Variants in PPP2R2A observed in about 807,000 individuals in gnomAD.
The protein encoded by PPP2R2A is protein phosphatase 2 regulatory subunit Balpha, also known as serine/threonine-protein phosphatase 2A 55 kDa regulatory subunit B alpha isoform.
A neutral mutation model predicts 53.2 loss-of-function variants in PPP2R2A; 9 were observed. The ratio of observed to expected loss-of-function variants is 0.17; its 90% CI spans 0.10 to 0.30. PPP2R2A has a LOEUF of 0.30. Among genes scored for constraint, PPP2R2A ranks in the 10% least tolerant of loss-of-function variants. The pLI, the probability that PPP2R2A is intolerant of heterozygous loss-of-function variation, is 1.00. For missense variants in PPP2R2A, 235 were observed against 534.6 expected (o/e 0.44, Z 5.53); for synonymous variants, 169 against 174.2 (o/e 0.97, Z 0.23).
At chr8:26,311,148 G>A (rs1166649396) in intron 2 of PPP2R2A, among the ~76,000 whole-genome samples, 1 of 152,146 alleles carries the variant, frequency 6.6e-6, no homozygotes, top group Non-Finnish European at 1.5e-5. Context: ...GGGAATAATA[G>A]TACTTGTCTT....
At chr8:26,367,372 G>A (rs1039814760) in intron 9 of PPP2R2A, among the ~76,000 whole-genome samples, 2 of 152,210 alleles carry the variant, frequency 1.3e-5, no homozygotes, top group Admixed American at 1.3e-4. Flanking sequence ...GTGGCGCACA[G>A]CTACAACCAG....
intron 3 of PPP2R2A, among the ~76,000 whole-genome samples, chr8:26,341,074 T>G (rs924415224): frequency 3.9e-5 from 6 of 152,142 alleles, no homozygotes; most frequent in African/African-American, 1.4e-4. Context: ...CTTAACTATA[T>G]TTAAGAATTC....
chr8:26,324,251 CACTCCATG>C (rs1802979688), intron 2 of PPP2R2A, among the ~76,000 whole-genome samples: 1 of 152,206 alleles, frequency 6.6e-6, no homozygotes, highest in Non-Finnish European at 1.5e-5. Context: ...TAGTATTCCC[CACTCCATG>C]ACTTTTTATT....
In PPP2R2A at chr8:26,362,901, A is replaced by G. The variant is rs1379308544; in HGVS notation, c.802+53A>G. The G allele has an allele frequency of 1.2e-5, 18 of 1,527,264 alleles. No individual in the cohort carries two copies. The highest frequency in any genetic ancestry group is 1.8e-4 in the Middle Eastern group (1 of 5,656). The allele number at this position is 1,527,264 out of a possible 1,614,324, so 94.6% of individuals were successfully genotyped here. The stretch of plus-strand genomic sequence containing the variant: ...TGATTACATATTCTGTTTGTCTGAA[A>G]TAAGCCTCAGACATGATAAGTACAA... On this transcript the variant is annotated intron_variant, in intron 7 of 9. Transcript: ENST00000380737. This position sits in a 1 kb window ranked among gnomAD's most constrained non-coding sequence, Gnocchi z 4.4.
intron 2 of PPP2R2A, among the ~76,000 whole-genome samples, chr8:26,296,106 T>C (rs1801529230): frequency 6.6e-6 from 1 of 152,238 alleles, no homozygotes; most frequent in Non-Finnish European, 1.5e-5. Context: ...TGCTTTCACC[T>C]CTATTCAGGT....
In PPP2R2A at chr8:26,370,350, G is replaced by A; in HGVS notation, c.1281G>A (p.Lys427=). The change falls in exon 10 of 10, where the codon AAG becomes AAA. Residue 427 remains lysine, a synonymous_variant. Coordinates refer to ENST00000380737, the MANE Select transcript of PPP2R2A (RefSeq NM_002717.4). The surrounding 1 kb of genome is among the most constrained non-coding windows in gnomAD (Gnocchi z 6.1). Reference sequence around the variant, plus strand: ...TCCTTCACACAGCCTGGCACCCCAAGGAAAATATCATTGCCGTAGCTACTA... The same window carrying A: ...TCCTTCACACAGCCTGGCACCCCAAAGAAAATATCATTGCCGTAGCTACTA... ...KKILHTAWHP[K]ENIIAVATTN... 1 of 1,614,126 alleles carries A rather than the reference G, an allele frequency of 6.2e-7. No homozygotes were observed. Among genetic ancestry groups the A allele is most frequent in the Non-Finnish European group, 8.5e-7 (1 of 1,180,006 alleles).
intron 2 of PPP2R2A, among the ~76,000 whole-genome samples, chr8:26,314,712 C>G (rs1802453363): frequency 6.6e-6 from 1 of 152,058 alleles, no homozygotes; most frequent in Non-Finnish European, 1.5e-5. Context: ...CTGATTTTTC[C>G]TTTCTGGATG....
Position 26,362,799 on chromosome 8 carries a change from T to C in PPP2R2A, c.753T>C (p.Ile251=), listed in dbSNP as rs751766618. 3 of 1,614,102 alleles carry C rather than the reference T, an allele frequency of 1.9e-6. No homozygotes were observed. The highest frequency in any genetic ancestry group is 2.5e-6 in the Non-Finnish European group (3 of 1,179,966). The part of the protein sequence containing the change: ...TFVYSSSKGT[I]RLCDMRASAL... ...TATACAGCAGCAGTAAAGGAACTAT[T>C]CGGCTATGTGACATGAGGGCATCTG... The change falls in exon 7 of 10, where the codon ATT becomes ATC. Residue 251 remains isoleucine (I), a synonymous_variant. Transcript: ENST00000380737. The surrounding 1 kb of genome is among the most constrained non-coding windows in gnomAD (Gnocchi z 4.4).
intron 3 of PPP2R2A, among the ~76,000 whole-genome samples, chr8:26,343,313 ACTTT>A (rs1342515556): frequency 6.6e-6 from 1 of 152,136 alleles, no homozygotes; most frequent in African/African-American, 2.4e-5. Flanking sequence ...GGGATTCTTA[ACTTT>A]TTTGTTGTCA....
At chr8:26,312,532 A>G (rs368438225) in intron 2 of PPP2R2A, among the ~76,000 whole-genome samples, 32 of 152,338 alleles carry the variant, frequency 2.1e-4, no homozygotes, top group East Asian at 9.6e-4. Context: ...AAATAGATCT[A>G]TTGTGCTGTT....
intron 2 of PPP2R2A, among the ~76,000 whole-genome samples, chr8:26,306,417 A>G (rs923130121): frequency 2.0e-5 from 3 of 150,556 alleles, no homozygotes; most frequent in African/African-American, 7.3e-5. Context: ...CAAATGTTGC[A>G]GTGAGCAAAG....
Position 26,339,002 on chromosome 8 carries a change from T to TTTA in PPP2R2A, c.180+18_180+20dup. The TTTA allele has an allele frequency of 6.4e-7, 1 of 1,559,818 alleles. No individual in the cohort carries two copies. On this transcript the variant is annotated intron_variant, in intron 3 of 9. Coordinates refer to ENST00000380737, the MANE Select transcript of PPP2R2A (RefSeq NM_002717.4). ...AGGAGCAGGAGGTAAGTGTTTAAAG[T>TTTA]TTATTGTCTAAATTTCAGTTTGATC...
intron 2 of PPP2R2A, among the ~76,000 whole-genome samples, chr8:26,330,135 GT>G (rs1462732188): frequency 6.6e-6 from 1 of 151,952 alleles, no homozygotes; most frequent in African/African-American, 2.4e-5. Context: ...GCTTTATTTT[GT>G]TTTGATTATA....
chr8:26,299,805 T>G (rs1409834211), intron 2 of PPP2R2A, among the ~76,000 whole-genome samples: 1 of 152,112 alleles, frequency 6.6e-6, no homozygotes, highest in Non-Finnish European at 1.5e-5. Context: ...ATGTTAGATT[T>G]AGGCAGTAAG....
intron 9 of PPP2R2A, among the ~76,000 whole-genome samples, chr8:26,368,877 C>G (rs978801998): frequency 2.0e-5 from 3 of 152,050 alleles, no homozygotes; most frequent in African/African-American, 7.2e-5. Context: ...GAGGCCAAGG[C>G]CGGCGGATCA....
At chr8:26,293,980 G>A (rs552716781) in intron 2 of PPP2R2A, 3 of 466,066 alleles carry the variant, frequency 6.4e-6, no homozygotes, top group East Asian at 7.6e-5. Flanking sequence ...TAGATGATGA[G>A]ACATATAAGA....
intron 2 of PPP2R2A, among the ~76,000 whole-genome samples, chr8:26,319,136 C>T (rs181690235): frequency 1.2e-4 from 19 of 152,242 alleles, no homozygotes; most frequent in Admixed American, 6.5e-5. Flanking sequence ...ACTGTTATAG[C>T]GTATGTCAGA....
intron 2 of PPP2R2A, among the ~76,000 whole-genome samples, chr8:26,312,016 A>G (rs1012576104): frequency 4.3e-5 from 6 of 141,064 alleles, no homozygotes. Flanking sequence ...TGTAAATAGC[A>G]TATTTTTTAC....
intron 2 of PPP2R2A, among the ~76,000 whole-genome samples, chr8:26,333,828 A>G (rs1408881520): frequency 6.6e-6 from 1 of 152,072 alleles, no homozygotes; most frequent in Non-Finnish European, 1.5e-5. Context: ...CCCACTACCA[A>G]TTGCTCTTCC....
Sources: allele counts gnomAD v4.1 joint callset (sites outside exome capture counted in the v4.1 genomes callset), GRCh38; gene constraint gnomAD v4.1.1; non-coding constraint Gnocchi (gnomAD v3.1); transcripts MANE v1.5; gene names NCBI Gene and HGNC (gene_info 2026-07-23, HGNC 2026-07-21).